CFAP299: variants seen among roughly 807,000 people sequenced by gnomAD.
CFAP299 encodes cilia- and flagella-associated protein 299.
A neutral mutation model predicts 27.0 loss-of-function variants in CFAP299; 21 were observed. That is an observed-to-expected ratio of 0.78 (90% confidence interval 0.55 to 1.12). The LOEUF is 1.12. Ranked by LOEUF, CFAP299 falls within the 50% of genes most tolerant of loss-of-function variation. The pLI is 0.00. For synonymous variants in CFAP299, 104 were observed against 98.1 expected, an observed-to-expected ratio of 1.06 and a Z score of -0.36; for missense variants, 310 against 276.6, an observed-to-expected ratio of 1.12 and a Z score of -0.86.
At chr4:80,800,295 A>G (rs1331304672) in intron 3 of CFAP299, among the ~76,000 whole-genome samples, 1 of 74,434 alleles carries the variant, frequency 1.3e-5, no homozygotes, top group Non-Finnish European at 2.2e-5. Context: ...ATATATTAAT[A>G]TATATAATAT....
chr4:80,849,743 G>C (rs1433477157), intron 3 of CFAP299, among the ~76,000 whole-genome samples: 2 of 152,102 alleles, frequency 1.3e-5, no homozygotes, highest in South Asian at 2.1e-4. Flanking sequence ...GAAATGGTGA[G>C]AGGTTGGTCA....
rs1578380341 is a variant in CFAP299, at chr4:80,384,636, C to A, written c.242+21752C>A. Among the ~76,000 whole-genome samples the A allele has an allele frequency of 4.6e-5, 7 of 152,198 alleles. No individual in the cohort carries two copies. The South Asian group carries it at 1.2e-3, about 27-fold the overall frequency. ...AATGATCGAGTAGGACAAAGAGTTTCATGCATGACTTAGAGGTAAATTGAA... is the reference window on the plus strand; with the variant it reads ...AATGATCGAGTAGGACAAAGAGTTTAATGCATGACTTAGAGGTAAATTGAA... On this transcript the variant is annotated intron_variant, in intron 2 of 5. Transcript: ENST00000358105.
At chr4:80,692,285 C>T (rs540025388) in intron 3 of CFAP299, among the ~76,000 whole-genome samples, 27 of 152,300 alleles carry the variant, frequency 1.8e-4, no homozygotes, top group Admixed American at 9.8e-4. Flanking sequence ...CACTACCTGA[C>T]TTCAAACTAT....
intron 4 of CFAP299, among the ~76,000 whole-genome samples, chr4:80,898,222 A>G (rs1734707313): frequency 6.6e-6 from 1 of 152,082 alleles, no homozygotes; most frequent in Non-Finnish European, 1.5e-5. Context: ...GAGGTGGTAA[A>G]TGTGGGGGAT....
chr4:80,489,904 T>C (rs1386561998), intron 2 of CFAP299, among the ~76,000 whole-genome samples: 1 of 141,970 alleles, frequency 7.0e-6, no homozygotes, highest in African/African-American at 3.0e-5. Flanking sequence ...TCATAGAATT[T>C]CCTGTTTTGA....
At chr4:80,759,098 T>C (rs1725412734) in intron 3 of CFAP299, among the ~76,000 whole-genome samples, 1 of 152,208 alleles carries the variant, frequency 6.6e-6, no homozygotes. Flanking sequence ...AAACTTGATT[T>C]GTGTAATATT....
chr4:80,679,181 G>C lies in CFAP299; in HGVS notation c.333+95998G>C, dbSNP rs541066574. On this transcript the variant is annotated intron_variant, in intron 3 of 5. Transcript: ENST00000358105. Reference sequence around the variant, plus strand: ...TATACACTGTATAATATTTTGAAATGGACTTTTTTCAGTAAGCAAAATGAC... The same window carrying C: ...TATACACTGTATAATATTTTGAAATCGACTTTTTTCAGTAAGCAAAATGAC... Among the ~76,000 whole-genome samples the C allele has an allele frequency of 5.3e-5, 8 of 152,044 alleles. No individual in the cohort carries two copies. The South Asian group carries it at 1.7e-3, about 32-fold the overall frequency.
intron 3 of CFAP299, among the ~76,000 whole-genome samples, chr4:80,602,466 A>C (rs1737406029): frequency 6.6e-6 from 1 of 152,180 alleles, no homozygotes. Flanking sequence ...TTTTTTCCAA[A>C]GTTCAAGAGA....
At chr4:80,825,350 G>GA (rs1273009183) in intron 3 of CFAP299, among the ~76,000 whole-genome samples, 2 of 151,876 alleles carry the variant, frequency 1.3e-5, no homozygotes, top group African/African-American at 4.8e-5. Context: ...CAGATTATTT[G>GA]AAAAAACAGT....
intron 3 of CFAP299, among the ~76,000 whole-genome samples, chr4:80,616,508 A>G (rs956548561): frequency 8.6e-5 from 13 of 151,994 alleles, no homozygotes; most frequent in African/African-American, 3.1e-4. Context: ...TTTATTTTAC[A>G]GATGAAAAAA....
chr4:80,445,442 C>T (rs1324099169), intron 2 of CFAP299, among the ~76,000 whole-genome samples: 2 of 152,118 alleles, frequency 1.3e-5, no homozygotes, highest in Non-Finnish European at 1.5e-5. Context: ...CTGAACACCA[C>T]ATATTCTCAC....
intron 2 of CFAP299, among the ~76,000 whole-genome samples, chr4:80,463,066 G>A (rs1164175743): frequency 6.6e-6 from 1 of 152,018 alleles, no homozygotes; most frequent in Non-Finnish European, 1.5e-5. Flanking sequence ...TATTTGAAAA[G>A]AAATTGCCTG....
intron 2 of CFAP299, among the ~76,000 whole-genome samples, chr4:80,397,871 C>T (rs1009439560): frequency 1.3e-5 from 2 of 151,920 alleles, no homozygotes; most frequent in African/African-American, 2.4e-5. Context: ...AAAGGGTATT[C>T]GATAAGGAAA....
Position 80,388,055 on chromosome 4 carries a change from A to C in CFAP299, c.242+25171A>C, listed in dbSNP as rs1388760889. 3 of 691,292 alleles carry C rather than the reference A, an allele frequency of 4.3e-6. No individual in the cohort carries two copies. The Admixed American group carries it at 6.7e-5, about 16-fold the overall frequency. The allele number at this position is 691,292 out of a possible 1,614,324, so 42.8% of individuals were successfully genotyped here. A position where few individuals can be genotyped will look rare whatever the true frequency, so the allele number is the denominator to read the frequency against. Reference sequence around the variant, plus strand: ...CATCACCAGTGCCTGGATCTCCACCATTCCACTCCCAGCCAGGAGTGCAGC... The same window carrying C: ...CATCACCAGTGCCTGGATCTCCACCCTTCCACTCCCAGCCAGGAGTGCAGC... On this transcript the variant is annotated intron_variant, in intron 2 of 5. Transcript: ENST00000358105.
chr4:80,916,808 TA>T (rs1458281589), intron 4 of CFAP299, among the ~76,000 whole-genome samples: 1 of 151,826 alleles, frequency 6.6e-6, no homozygotes, highest in African/African-American at 2.4e-5. Flanking sequence ...GATTTAAGAG[TA>T]AAAATAGAAT....
chr4:80,687,961 C>T (rs1254713235), intron 3 of CFAP299, among the ~76,000 whole-genome samples: 3 of 152,166 alleles, frequency 2.0e-5, no homozygotes, highest in African/African-American at 4.8e-5. Flanking sequence ...CACTCCCACC[C>T]GAATACTGCG....
intron 2 of CFAP299, among the ~76,000 whole-genome samples, chr4:80,566,998 A>AT (rs139864901): frequency 0.12 from 18,860 of 151,376 alleles, 1,421 homozygotes; most frequent in South Asian, 0.23. Context: ...AAGCCAACCC[A>AT]TTTTTTCTCC....
At chr4:80,635,296 C>A (rs1320396204) in intron 3 of CFAP299, among the ~76,000 whole-genome samples, 1 of 152,032 alleles carries the variant, frequency 6.6e-6, no homozygotes, top group Non-Finnish European at 1.5e-5. Context: ...TGCAACTTTT[C>A]CCATAGAAAG....
intron 3 of CFAP299, among the ~76,000 whole-genome samples, chr4:80,692,237 G>A (rs907993074): frequency 6.6e-6 from 1 of 152,164 alleles, no homozygotes; most frequent in Non-Finnish European, 1.5e-5. Flanking sequence ...GCATCACCAA[G>A]TCAATCCTGA....
Sources: gnomAD v4.1 joint callset for allele counts (sites outside exome capture counted in the v4.1 genomes callset) on GRCh38, gnomAD v4.1.1 for gene constraint, MANE v1.5 for transcripts, NCBI Gene and HGNC (gene_info 2026-07-23, HGNC 2026-07-21) for gene names.